RIMS2: variants seen among roughly 807,000 people sequenced by gnomAD.
The protein encoded by RIMS2 is regulating synaptic membrane exocytosis 2.
A neutral mutation model predicts 174.4 loss-of-function variants in RIMS2; 59 were observed. The ratio of observed to expected loss-of-function variants is 0.34; its 90% CI spans 0.27 to 0.42. The LOEUF (loss-of-function observed/expected upper bound fraction) is 0.42, where lower values mean the gene tolerates loss of function less well. RIMS2 is among the 10% of genes least tolerant of loss of function. The pLI, the probability that RIMS2 is intolerant of heterozygous loss-of-function variation, is 1.00. For missense variants in RIMS2, 1,620 were observed against 1,666.3 expected (o/e 0.97, Z 0.48); for synonymous variants, 606 against 572.5 (o/e 1.06, Z -0.84).
intron 3 of RIMS2, among the ~76,000 whole-genome samples, chr8:103,815,976 G>A (rs974196223): frequency 6.6e-6 from 1 of 152,134 alleles, no homozygotes; most frequent in Non-Finnish European, 1.5e-5. Flanking sequence ...AGTTTGGGTT[G>A]GAGTCAGTAC....
chr8:104,202,197 A>T (rs1158089058), intron 19 of RIMS2, among the ~76,000 whole-genome samples: 1 of 152,210 alleles, frequency 6.6e-6, no homozygotes, highest in Non-Finnish European at 1.5e-5. Context: ...TTAAACTGAA[A>T]GCATGATACT....
chr8:103,583,710 A>G (rs1252195239), intron 1 of RIMS2, among the ~76,000 whole-genome samples: 2 of 119,216 alleles, frequency 1.7e-5, no homozygotes, highest in Non-Finnish European at 4.3e-5. Flanking sequence ...GAAAATACAC[A>G]GTCAGAGGGG....
At chr8:104,246,986 G>A (rs1014662704) in intron 20 of RIMS2, among the ~76,000 whole-genome samples, 31 of 101,158 alleles carry the variant, frequency 3.1e-4, no homozygotes, top group African/African-American at 1.4e-3. Flanking sequence ...TGGCATATCA[G>A]TCTGAGTGCT....
intron 19 of RIMS2, among the ~76,000 whole-genome samples, chr8:104,015,931 G>A (rs1187545955): frequency 6.6e-6 from 1 of 151,984 alleles, no homozygotes; most frequent in Admixed American, 6.6e-5. Context: ...AGTGATTGTG[G>A]CTTGCGTTTC....
intron 19 of RIMS2, among the ~76,000 whole-genome samples, chr8:104,231,231 C>T (rs376482194): frequency 1.3e-5 from 2 of 152,304 alleles, no homozygotes; most frequent in South Asian, 4.1e-4. Flanking sequence ...GCTCCTGTAT[C>T]AGTTCTCTTA....
At chr8:104,081,737 C>T (rs2097424284) in intron 19 of RIMS2, among the ~76,000 whole-genome samples, 1 of 152,018 alleles carries the variant, frequency 6.6e-6, no homozygotes, top group Non-Finnish European at 1.5e-5. Flanking sequence ...CTCTATTTCT[C>T]AATTTTCTCA....
At chr8:104,115,956 GC>G in intron 19 of RIMS2, among the ~76,000 whole-genome samples, 1 of 152,232 alleles carries the variant, frequency 6.6e-6, no homozygotes, top group South Asian at 2.1e-4. Context: ...TAATGGATGG[GC>G]CACCAGTTTG....
intron 19 of RIMS2, among the ~76,000 whole-genome samples, chr8:104,084,212 G>A (rs919839855): frequency 8.6e-5 from 13 of 151,718 alleles, no homozygotes; most frequent in South Asian, 2.1e-4. Flanking sequence ...AGGCCGAGGC[G>A]GGTGGATCAC....
intron 1 of RIMS2, among the ~76,000 whole-genome samples, chr8:103,523,810 T>G (rs1434119773): frequency 6.6e-6 from 1 of 152,176 alleles, no homozygotes; most frequent in Non-Finnish European, 1.5e-5. Context: ...ATCTTGACAT[T>G]TTATTATTTC....
At chr8:103,501,094 TC>T (rs1169706278) in intron 1 of RIMS2, 32 bp downstream of exon 1, 1 of 1,511,214 alleles carries the variant, frequency 6.6e-7, no homozygotes, top group South Asian at 1.3e-5. Flanking sequence ...CCCGCCTCTC[TC>T]CCTGCCCTCC....
chr8:104,132,924 C>T (rs2098484628), intron 19 of RIMS2, among the ~76,000 whole-genome samples: 1 of 152,128 alleles, frequency 6.6e-6, no homozygotes, highest in Admixed American at 6.5e-5. Context: ...CAGGTATCAC[C>T]CCAGACCTAA....
intron 1 of RIMS2, among the ~76,000 whole-genome samples, chr8:103,618,734 A>G (rs1482075378): frequency 6.6e-6 from 1 of 152,136 alleles, no homozygotes; most frequent in Non-Finnish European, 1.5e-5. Flanking sequence ...TACTTCACCC[A>G]GATCATTCAG....
chr8:103,854,527 G>C (rs1173800913), intron 3 of RIMS2, among the ~76,000 whole-genome samples: 2 of 150,798 alleles, frequency 1.3e-5, no homozygotes, highest in Non-Finnish European at 3.0e-5. Context: ...TTTGAGACAT[G>C]TTGTTTTGTT....
intron 2 of RIMS2, among the ~76,000 whole-genome samples, chr8:103,722,958 A>T (rs2097473089): frequency 6.6e-6 from 1 of 152,146 alleles, no homozygotes; most frequent in South Asian, 2.1e-4. Flanking sequence ...TAAAAAATGC[A>T]ACAATTAGCC....
chr8:103,898,890 C>T (rs552421703), intron 4 of RIMS2, among the ~76,000 whole-genome samples: 1 of 150,036 alleles, frequency 6.7e-6, no homozygotes, highest in East Asian at 2.0e-4. Context: ...CACCCCACAA[C>T]AGGCCCCAGT....
At chr8:104,036,842 A>T (rs2096528827) in intron 19 of RIMS2, among the ~76,000 whole-genome samples, 1 of 152,098 alleles carries the variant, frequency 6.6e-6, no homozygotes. Flanking sequence ...GTGCCACTTC[A>T]GTCCAGCCTG....
intron 19 of RIMS2, among the ~76,000 whole-genome samples, chr8:104,208,198 G>A (rs1038304357): frequency 6.6e-6 from 1 of 152,162 alleles, no homozygotes; most frequent in Non-Finnish European, 1.5e-5. Flanking sequence ...TGAAAAATAC[G>A]TTTGGTAGGA....
chr8:103,732,036 A>G (rs1355986049), intron 2 of RIMS2, among the ~76,000 whole-genome samples: 1 of 152,202 alleles, frequency 6.6e-6, no homozygotes, highest in Admixed American at 6.5e-5. Flanking sequence ...TATTTATTAT[A>G]GTCTTCACAG....
At chr8:103,897,499 C>T (rs908845836) in intron 4 of RIMS2, among the ~76,000 whole-genome samples, 1 of 151,702 alleles carries the variant, frequency 6.6e-6, no homozygotes, top group Non-Finnish European at 1.5e-5. Context: ...CCTTCATATG[C>T]ATTTTACTCA....
Sources: allele counts gnomAD v4.1 joint callset (sites outside exome capture counted in the v4.1 genomes callset), GRCh38; gene constraint gnomAD v4.1.1; transcripts MANE v1.5; gene names NCBI Gene and HGNC (gene_info 2026-07-23, HGNC 2026-07-21).